Variants in MTMR3 observed in about 807,000 individuals in gnomAD.
MTMR3 encodes the protein phosphatidylinositol-3,5-bisphosphate 3-phosphatase MTMR3.
In MTMR3, 32 loss-of-function variants were observed where a neutral mutation model predicts 132.4. The ratio of observed to expected loss-of-function variants is 0.24; its 90% CI spans 0.18 to 0.32. The LOEUF (loss-of-function observed/expected upper bound fraction) is 0.32, where lower values mean the gene tolerates loss of function less well. MTMR3 is among the 10% of genes least tolerant of loss of function. The pLI, the probability that MTMR3 is intolerant of heterozygous loss-of-function variation, is 1.00. For missense variants in MTMR3, 1,216 were observed against 1,489.6 expected (o/e 0.82, Z 3.02); for synonymous variants, 556 against 550.3 (o/e 1.01, Z -0.14).
intron 5 of MTMR3, chr22:29,986,513 T>C: frequency 1.1e-6 from 1 of 908,510 alleles, no homozygotes; most frequent in Non-Finnish European, 1.3e-6. Flanking sequence ...TTTTTTTTTT[T>C]CCTTCTTAGA....
rs1039089339 is a variant in MTMR3 at position 29,996,578 on chromosome 22, T to C, written c.461-2183T>C. The C allele has an allele frequency of 2.6e-5, 4 of 152,338 alleles. No individual in the cohort carries two copies. The South Asian group carries it at 6.2e-4, about 24-fold the overall frequency. The allele number at this position is 152,338 out of a possible 1,614,324, so 9.4% of individuals were successfully genotyped here. ...AAAAATAAATCATTAATGAAATACT[T>C]ACAGCTTTTGCAAAGACTTGGAGCT... On this transcript the variant is annotated intron_variant, in intron 7 of 19. Transcript: ENST00000401950.
At chr22:29,944,651 C>T (rs984943622) in intron 1 of MTMR3, among the ~76,000 whole-genome samples, 1 of 152,158 alleles carries the variant, frequency 6.6e-6, no homozygotes, top group African/African-American at 2.4e-5. Flanking sequence ...ATTTCTGTTA[C>T]ATTTTAAAGT....
intron 16 of MTMR3, 198 bp downstream of exon 16, chr22:30,018,270 A>G (rs1232895800): frequency 1.8e-6 from 1 of 565,700 alleles, no homozygotes; most frequent in Admixed American, 4.0e-5. Context: ...GGAGTGAGTT[A>G]GGCCCTGTTG....
chr22:30,016,836 C>G (rs974893725), intron 15 of MTMR3, 138 bp downstream of exon 15: 2 of 1,031,154 alleles, frequency 1.9e-6, no homozygotes, highest in Admixed American at 5.1e-5. Context: ...CATTTTTCCC[C>G]CATGATTCTG....
chr22:29,950,665 G>T (rs1449741058), intron 1 of MTMR3, among the ~76,000 whole-genome samples: 1 of 151,738 alleles, frequency 6.6e-6, no homozygotes. Flanking sequence ...ACGACTGGCT[G>T]GGAACATTTC....
chr22:29,956,712 A>G (rs1245013951), intron 1 of MTMR3, among the ~76,000 whole-genome samples: 1 of 152,170 alleles, frequency 6.6e-6, no homozygotes, highest in African/African-American at 2.4e-5. Context: ...TGTATTGGCA[A>G]CGATTTACCC....
At chr22:29,920,944 G>A (rs1030678069) in intron 1 of MTMR3, among the ~76,000 whole-genome samples, 4 of 132,514 alleles carry the variant, frequency 3.0e-5, no homozygotes, top group Admixed American at 9.2e-5. Flanking sequence ...ATATGTCAGA[G>A]CTATGACAAA....
chr22:30,015,311 G>C (rs940358090), intron 14 of MTMR3: 1 of 150,184 alleles, frequency 6.7e-6, no homozygotes, highest in Non-Finnish European at 1.5e-5. Flanking sequence ...CTCCCACCCC[G>C]GCCTTCCAAA....
At chr22:29,957,263 AT>A (rs57003371) in intron 2 of MTMR3, among the ~76,000 whole-genome samples, 175 bp downstream of exon 2, 5 of 147,548 alleles carry the variant, frequency 3.4e-5, no homozygotes, top group South Asian at 2.1e-4. Flanking sequence ...ACATGTGATT[AT>A]TTTTTTTTTT....
At chr22:29,947,798 T>A (rs1654288423) in intron 1 of MTMR3, among the ~76,000 whole-genome samples, 1 of 152,194 alleles carries the variant, frequency 6.6e-6, no homozygotes, top group Admixed American at 6.5e-5. Context: ...CATGTATTCC[T>A]CTAGTTTACA....
At chr22:29,900,093 A>G (rs2064976554) in intron 1 of MTMR3, among the ~76,000 whole-genome samples, 1 of 152,192 alleles carries the variant, frequency 6.6e-6, no homozygotes, top group Non-Finnish European at 1.5e-5. Flanking sequence ...CACAAATCAA[A>G]TGTATAGCTT....
intron 1 of MTMR3, among the ~76,000 whole-genome samples, chr22:29,952,407 TG>T (rs954998231): frequency 4.9e-5 from 6 of 121,452 alleles, no homozygotes; most frequent in African/African-American, 2.7e-4. Context: ...GGTGTGTGTG[TG>T]TGTTTTTTTT....
chr22:30,005,769 T>C (rs1006946961), intron 9 of MTMR3: 1 of 152,134 alleles, frequency 6.6e-6, no homozygotes, highest in African/African-American at 2.4e-5. Context: ...ACAGTACATT[T>C]TCATCGTCCC....
chr22:29,977,451 T>C (rs908586680), intron 3 of MTMR3, among the ~76,000 whole-genome samples: 9 of 152,236 alleles, frequency 5.9e-5, no homozygotes, highest in Admixed American at 1.3e-4. Context: ...GATGAGAATT[T>C]ATTGCTTCCT....
chr22:29,947,817 A>G (rs774249182), intron 1 of MTMR3, among the ~76,000 whole-genome samples: 6 of 152,178 alleles, frequency 3.9e-5, no homozygotes, highest in Non-Finnish European at 8.8e-5. Flanking sequence ...CATGAGATAA[A>G]TATTACTAAT....
At chr22:29,973,109 T>G (rs529969976) in intron 3 of MTMR3, among the ~76,000 whole-genome samples, 2 of 152,362 alleles carry the variant, frequency 1.3e-5, no homozygotes, top group East Asian at 3.9e-4. Flanking sequence ...CCTTAATCCT[T>G]AGTTTTTGTG....
At chr22:29,933,127 T>G (rs562448514) in intron 1 of MTMR3, among the ~76,000 whole-genome samples, 3 of 152,064 alleles carry the variant, frequency 2.0e-5, no homozygotes, top group Non-Finnish European at 2.9e-5. Context: ...TGCCACCAGG[T>G]CTGGCTAATT....
intron 17 of MTMR3, chr22:30,021,252 C>G (rs1278624253): frequency 4.1e-6 from 1 of 246,768 alleles, no homozygotes; most frequent in Non-Finnish European, 7.9e-6. Context: ...ATTTTAGTGC[C>G]TGTTCTGCCT....
At chr22:29,892,420 A>G (rs2064818357) in intron 1 of MTMR3, among the ~76,000 whole-genome samples, 1 of 152,184 alleles carries the variant, frequency 6.6e-6, no homozygotes, top group African/African-American at 2.4e-5. Context: ...GTTAGGTCCT[A>G]GAGACTGAGT....
Sources: gnomAD v4.1 joint callset for allele counts (sites outside exome capture counted in the v4.1 genomes callset) on GRCh38, gnomAD v4.1.1 for gene constraint, MANE v1.5 for transcripts, NCBI Gene and HGNC (gene_info 2026-07-23, HGNC 2026-07-21) for gene names.